EZR: variants seen among roughly 807,000 people sequenced by gnomAD.
EZR encodes the protein cytovillin 2.
EZR carries 40 observed loss-of-function variants against 74.8 expected under a neutral mutation model. That is an observed-to-expected ratio of 0.53 (90% CI 0.42 to 0.70). EZR has a LOEUF of 0.70. Ranked by LOEUF, EZR falls within the 30% of genes least tolerant of loss-of-function variation. The pLI, the probability that EZR is intolerant of heterozygous loss-of-function variation, is 0.00. For missense variants in EZR, 678 were observed against 755.8 expected (o/e 0.90, Z 1.21); for synonymous variants, 341 against 283.3 (o/e 1.20, Z -2.05).
chr6:158,818,310 C>T (rs142552212), intron 1 of EZR, 144 bp from the exon 2 acceptor site: 19 of 307,168 alleles, frequency 6.2e-5, no homozygotes, highest in African/African-American at 4.0e-4. Flanking sequence ...CCCAGCACTG[C>T]GGGCATGGGG....
At chr6:158,789,208 C>CT in intron 3 of EZR, 80 bp downstream of exon 3, 1 of 1,051,488 alleles carries the variant, frequency 9.5e-7, no homozygotes, top group Non-Finnish European at 1.4e-6. Context: ...AGGTAATATG[C>CT]TTCGCAAACA....
intron 3 of EZR, among the ~76,000 whole-genome samples, 160 bp downstream of exon 3, chr6:158,789,128 T>C (rs1222814507): frequency 6.6e-6 from 1 of 152,278 alleles, no homozygotes; most frequent in Non-Finnish European, 1.5e-5. Context: ...ATGCATTTTA[T>C]AATGCTATCA....
At chr6:158,774,576 A>G (rs73799904) in intron 8 of EZR, among the ~76,000 whole-genome samples, 6,120 of 151,520 alleles carry the variant, frequency 0.04, 398 homozygotes, top group African/African-American at 0.14. Flanking sequence ...GCTACTCTAT[A>G]ATAAAGGCAC....
chr6:158,786,200 C>G (rs954992110), intron 4 of EZR, among the ~76,000 whole-genome samples: 4 of 152,192 alleles, frequency 2.6e-5, no homozygotes, highest in African/African-American at 9.6e-5. Flanking sequence ...GGTGAAACCC[C>G]ATCTCTACTA....
In EZR at chr6:158,787,125, G is replaced by C. The variant is rs1791603930; in HGVS notation, c.175C>G (p.Leu59Val). 1 of 1,613,246 alleles carries C rather than the reference G, an allele frequency of 6.2e-7. No homozygotes were observed. Among genetic ancestry groups the C allele is most frequent in the Non-Finnish European group, 8.5e-7 (1 of 1,179,370 alleles). The change falls in exon 4 of 14, where the codon CTG (leucine) becomes GTG (valine). Residue 59 changes from leucine to valine, a missense_variant. Physicochemically the swap from Leu to Val is conservative, Grantham distance 32. Around this residue, in one of 3 missense-constraint regions of EZR, gnomAD observed 217 missense variants for 232.2 expected, o/e 0.93. Transcript: ENST00000367075. ...TGACTTGCCTTCTTATCCAGCTTCA[G>C]CCAGGTAGGAAATCCTTTATTATCC... The part of the protein sequence containing the change: ...YVDNKGFPTW[L>V]KLDKKVSAQE...
chr6:158,769,714 G>T, intron 11 of EZR, 70 bp downstream of exon 11: 5 of 1,565,538 alleles, frequency 3.2e-6, no homozygotes, highest in Non-Finnish European at 4.4e-6. Context: ...TACAAGGCAG[G>T]TGTCACATTT....
chr6:158,798,752 C>T (rs897490356), intron 2 of EZR, among the ~76,000 whole-genome samples: 2 of 151,842 alleles, frequency 1.3e-5, no homozygotes, highest in African/African-American at 4.8e-5. Flanking sequence ...CCACCTTAGC[C>T]TCCTTAGCTG....
intron 8 of EZR, among the ~76,000 whole-genome samples, chr6:158,771,939 T>C (rs572685778): frequency 1.3e-5 from 2 of 152,220 alleles, no homozygotes; most frequent in East Asian, 3.9e-4. Flanking sequence ...CACACTGTTA[T>C]TGCTACACTG....
chr6:158,810,304 CAG>C (rs1264753775), intron 2 of EZR, among the ~76,000 whole-genome samples: 3 of 152,122 alleles, frequency 2.0e-5, no homozygotes, highest in South Asian at 2.1e-4. Flanking sequence ...TAAAGGAAAA[CAG>C]AACTGACCAC....
At chr6:158,779,776 G>A (rs900844156) in intron 7 of EZR, among the ~76,000 whole-genome samples, 5 of 152,100 alleles carry the variant, frequency 3.3e-5, no homozygotes, top group Admixed American at 1.3e-4. Context: ...TGTTGGCAAA[G>A]ACCAGCCCAG....
chr6:158,795,596 A>G (rs1777053727), intron 2 of EZR, among the ~76,000 whole-genome samples: 1 of 152,152 alleles, frequency 6.6e-6, no homozygotes, highest in African/African-American at 2.4e-5. Flanking sequence ...CCAATTAACT[A>G]CTGCAAGGTG....
At chr6:158,782,118 G>C (rs1473577961) in intron 7 of EZR, among the ~76,000 whole-genome samples, 1 of 152,136 alleles carries the variant, frequency 6.6e-6, no homozygotes, top group Non-Finnish European at 1.5e-5. Context: ...CGAACCGAGA[G>C]TCCTCAATAT....
At position 158,769,323 on chromosome 6, in the gene EZR, C is replaced by T. The variant is rs756774771; in HGVS notation, c.1344+3G>A. ...TGCGGAGGTGTCCCCCGTGCAGACT[C>T]ACCCTGTGCTGCCACTCTTCAACTT... On this transcript the variant is annotated splice_donor_region_variant and intron_variant, in intron 12 of 13. Transcript: ENST00000367075. 3.7e-6 allele frequency: 6 copies of T among 1,608,880 alleles called. No individual in the cohort carries two copies. The highest frequency in any genetic ancestry group is 4.2e-6 in the Non-Finnish European group (5 of 1,179,902).
chr6:158,768,202 T>C (rs1790972020), intron 12 of EZR, among the ~76,000 whole-genome samples: 1 of 149,894 alleles, frequency 6.7e-6, no homozygotes, highest in South Asian at 2.1e-4. Context: ...CAAGAGCTGA[T>C]GGTTTCAGTG....
intron 7 of EZR, 59 bp from the exon 8 acceptor site, chr6:158,776,563 A>G: frequency 1.6e-6 from 2 of 1,242,484 alleles, no homozygotes; most frequent in Non-Finnish European, 1.1e-6. Flanking sequence ...TGGATTGGCT[A>G]AGAGAGATTC....
At chr6:158,818,218 C>T (rs1777605470) in intron 1 of EZR, 52 bp from the exon 2 acceptor site, 2 of 1,046,390 alleles carry the variant, frequency 1.9e-6, no homozygotes, top group African/African-American at 1.6e-5. Flanking sequence ...CCTCGTCCTC[C>T]TGCCGCGCCC....
At chr6:158,818,720 A>AGC (rs1171260656) in intron 1 of EZR, among the ~76,000 whole-genome samples, 3 of 146,278 alleles carry the variant, frequency 2.1e-5, no homozygotes, top group East Asian at 4.1e-4. Context: ...GGGGAGAGGG[A>AGC]GCGCGCGCCT....
chr6:158,801,626 G>C (rs1777189292), intron 2 of EZR, among the ~76,000 whole-genome samples: 2 of 152,146 alleles, frequency 1.3e-5, no homozygotes, highest in Admixed American at 1.3e-4. Context: ...ATAACACCAG[G>C]ATATGTACTA....
At chr6:158,818,558 GCGCGGGCCCC>G (rs1777617397) in intron 1 of EZR, among the ~76,000 whole-genome samples, 1 of 150,456 alleles carries the variant, frequency 6.6e-6, no homozygotes, top group Non-Finnish European at 1.5e-5. Context: ...GGGGGAGGGG[GCGCGGGCCCC>G]GGGGAACACT....
Sources: allele counts gnomAD v4.1 joint callset (sites outside exome capture counted in the v4.1 genomes callset), GRCh38; gene constraint gnomAD v4.1.1; regional missense constraint gnomAD v4.1.1; transcripts MANE v1.5; gene names NCBI Gene and HGNC (gene_info 2026-07-23, HGNC 2026-07-21).